Variants in RBFOX1 observed in about 807,000 individuals in gnomAD.
RBFOX1 encodes RNA binding protein fox-1 homolog 1.
In RBFOX1, 8 loss-of-function variants were observed where a neutral mutation model predicts 57.7. That is an observed-to-expected ratio of 0.14 (90% confidence interval 0.08 to 0.25). The LOEUF is 0.25. Among genes scored for constraint, RBFOX1 ranks in the 10% least tolerant of loss-of-function variants. RBFOX1 has a pLI of 1.00. For missense variants in RBFOX1, 611 were observed against 548.5 expected (o/e 1.11, Z -1.14); for synonymous variants, 326 against 222.4 (o/e 1.47, Z -4.15).
chr16:5,546,820 C>A (rs994501255), intron 2 of RBFOX1, among the ~76,000 whole-genome samples: 26 of 152,128 alleles, frequency 1.7e-4, no homozygotes, highest in African/African-American at 6.0e-4. Flanking sequence ...AGAGAGTGAC[C>A]AGCAACATAT....
intron 1 of RBFOX1, among the ~76,000 whole-genome samples, chr16:6,235,537 G>GGT (rs2097499136): frequency 7.1e-6 from 1 of 140,330 alleles, no homozygotes; most frequent in Non-Finnish European, 1.5e-5. Context: ...AAGAAACTGT[G>GGT]GTGTGTGTGT....
intron 2 of RBFOX1, among the ~76,000 whole-genome samples, chr16:6,566,103 G>C (rs1174462555): frequency 2.0e-5 from 3 of 152,186 alleles, no homozygotes; most frequent in South Asian, 2.1e-4. Context: ...CCAAAGTAAT[G>C]TGTGTCATCA....
intron 2 of RBFOX1, among the ~76,000 whole-genome samples, chr16:6,485,313 G>A (rs2095452739): frequency 6.6e-6 from 1 of 152,094 alleles, no homozygotes; most frequent in South Asian, 2.1e-4. Context: ...ATGAGGTAGG[G>A]GGACATGTAG....
intron 3 of RBFOX1, among the ~76,000 whole-genome samples, chr16:6,976,497 C>A (rs1032074413): frequency 1.3e-5 from 2 of 151,972 alleles, no homozygotes; most frequent in African/African-American, 4.8e-5. Context: ...GTTTTTAGAT[C>A]TCACACCAGA....
chr16:7,618,726 C>G (rs2058850930), intron 10 of RBFOX1, among the ~76,000 whole-genome samples: 1 of 152,138 alleles, frequency 6.6e-6, no homozygotes, highest in East Asian at 1.9e-4. Flanking sequence ...CATGTAGATA[C>G]TCATTCTCTA....
intron 4 of RBFOX1, among the ~76,000 whole-genome samples, chr16:5,996,669 AAG>A (rs1365779074): frequency 6.6e-6 from 1 of 152,038 alleles, no homozygotes; most frequent in East Asian, 1.9e-4. Context: ...TTGAAGGGGT[AAG>A]AGAGAGAGCA....
intron 1 of RBFOX1, among the ~76,000 whole-genome samples, chr16:5,274,266 T>C (rs2063087629): frequency 6.6e-6 from 1 of 152,196 alleles, no homozygotes; most frequent in African/African-American, 2.4e-5. Context: ...GGGTTGCTTA[T>C]GCCTGTAATC....
chr16:6,049,792 A>C (rs891092597), intron 1 of RBFOX1, among the ~76,000 whole-genome samples: 10 of 152,162 alleles, frequency 6.6e-5, no homozygotes, highest in Non-Finnish European at 1.3e-4. Context: ...CCACATTTGC[A>C]TAGCTTCCTC....
intron 4 of RBFOX1, among the ~76,000 whole-genome samples, chr16:7,454,489 G>A (rs1484075081): frequency 6.6e-6 from 1 of 152,180 alleles, no homozygotes; most frequent in Admixed American, 6.5e-5. Context: ...GGCTATTATA[G>A]ATATGATCAA....
At chr16:5,788,174 A>T (rs965543365) in intron 3 of RBFOX1, among the ~76,000 whole-genome samples, 1 of 152,180 alleles carries the variant, frequency 6.6e-6, no homozygotes, top group Non-Finnish European at 1.5e-5. Flanking sequence ...TGCTCCCAGG[A>T]CTGCATCCTG....
At chr16:5,429,802 C>T (rs1051663601) in intron 1 of RBFOX1, among the ~76,000 whole-genome samples, 4 of 152,258 alleles carry the variant, frequency 2.6e-5, no homozygotes, top group Admixed American at 6.5e-5. Flanking sequence ...ATTTAGTAAT[C>T]GTCTATTGGC....
intron 3 of RBFOX1, among the ~76,000 whole-genome samples, chr16:6,782,699 A>T (rs1474940056): frequency 6.6e-6 from 1 of 152,182 alleles, no homozygotes; most frequent in Non-Finnish European, 1.5e-5. Context: ...AATGTGTATT[A>T]TTCAGCTATC....
At chr16:5,678,747 C>G (rs1339283043) in intron 3 of RBFOX1, among the ~76,000 whole-genome samples, 1 of 152,156 alleles carries the variant, frequency 6.6e-6, no homozygotes, top group Non-Finnish European at 1.5e-5. Flanking sequence ...ATTTGTGTTT[C>G]CAGATGAAGG....
intron 4 of RBFOX1, among the ~76,000 whole-genome samples, chr16:7,475,596 AG>A (rs1171493566): frequency 6.6e-6 from 1 of 152,118 alleles, no homozygotes; most frequent in African/African-American, 2.4e-5. Context: ...TACAGGTGTG[AG>A]CCACACACCC....
intron 4 of RBFOX1, among the ~76,000 whole-genome samples, chr16:7,419,483 G>A (rs540678998): frequency 9.2e-5 from 14 of 152,322 alleles, no homozygotes; most frequent in African/African-American, 3.1e-4. Flanking sequence ...ATTGTATTGT[G>A]CCTTGTCAGG....
At chr16:5,841,463 C>T (rs2056623374) in intron 3 of RBFOX1, among the ~76,000 whole-genome samples, 1 of 152,200 alleles carries the variant, frequency 6.6e-6, no homozygotes, top group Admixed American at 6.5e-5. Flanking sequence ...ATTTCCTCAC[C>T]TTGTCCCTCC....
intron 3 of RBFOX1, among the ~76,000 whole-genome samples, chr16:6,749,317 C>T (rs889997262): frequency 6.6e-6 from 1 of 152,142 alleles, no homozygotes; most frequent in African/African-American, 2.4e-5. Context: ...AGAACAGATG[C>T]ACACAGGACG....
At chr16:7,464,593 C>T (rs1197667189) in intron 4 of RBFOX1, among the ~76,000 whole-genome samples, 4 of 150,800 alleles carry the variant, frequency 2.7e-5, no homozygotes, top group African/African-American at 9.7e-5. Context: ...CTCTCCATTT[C>T]GTCTTCTGTT....
chr16:5,925,887 A>G (rs538556492), intron 4 of RBFOX1, among the ~76,000 whole-genome samples: 25 of 152,242 alleles, frequency 1.6e-4, no homozygotes, highest in African/African-American at 5.8e-4. Flanking sequence ...TTTCACTACC[A>G]CAAATCGAAC....
Sources: gnomAD v4.1 joint callset for allele counts (sites outside exome capture counted in the v4.1 genomes callset) on GRCh38, gnomAD v4.1.1 for gene constraint, MANE v1.5 for transcripts, NCBI Gene and HGNC (gene_info 2026-07-23, HGNC 2026-07-21) for gene names.